The following PCDHGA3 variants were observed in gnomAD, a reference collection of about 807,000 sequenced individuals.
PCDHGA3 encodes protocadherin gamma-A3.
PCDHGA3 carries 40 observed loss-of-function variants against 58.5 expected under a neutral mutation model. The ratio of observed to expected loss-of-function variants is 0.68; its 90% CI spans 0.53 to 0.89. The LOEUF (loss-of-function observed/expected upper bound fraction) is 0.89, where lower values mean the gene tolerates loss of function less well. Among genes scored for constraint, PCDHGA3 ranks in the 40% least tolerant of loss-of-function variants. PCDHGA3 has a pLI of 0.00. For missense variants in PCDHGA3, 1,223 were observed against 1,195.9 expected (o/e 1.02, Z -0.33); for synonymous variants, 530 against 525.7 (o/e 1.01, Z -0.11).
intron 1 of PCDHGA3, among the ~76,000 whole-genome samples, chr5:141,456,266 C>G (rs1273258132): frequency 6.6e-6 from 1 of 152,128 alleles, no homozygotes; most frequent in Non-Finnish European, 1.5e-5. Context: ...TTGCTTCTGG[C>G]TACTTCCTGC....
At chr5:141,446,621 C>T (rs1284919173) in intron 1 of PCDHGA3, among the ~76,000 whole-genome samples, 2 of 152,094 alleles carry the variant, frequency 1.3e-5, no homozygotes, top group Non-Finnish European at 2.9e-5. Flanking sequence ...GGACTACAGG[C>T]GTGCACCACC....
intron 1 of PCDHGA3, chr5:141,393,590 G>A: frequency 1.2e-6 from 2 of 1,613,896 alleles, no homozygotes; most frequent in South Asian, 2.2e-5. Flanking sequence ...CCCCAGGCAC[G>A]CGGCTGCTTA....
At chr5:141,502,093 G>C (rs1037154464) in intron 2 of PCDHGA3, among the ~76,000 whole-genome samples, 27 of 152,112 alleles carry the variant, frequency 1.8e-4, no homozygotes, top group Admixed American at 1.7e-3. Flanking sequence ...AGAACACCTG[G>C]CCTTGACCCT....
Position 141,431,386 on chromosome 5 carries a change from C to A in PCDHGA3, c.2425-63421C>A. The stretch of plus-strand genomic sequence containing the variant: ...ACCGCGAAGAAAAGGCTGCTCACCA[C>A]CTGGTCCTTACGGCCTCCGACGGGG... On this transcript the variant is annotated intron_variant, in intron 1 of 3. Coordinates refer to ENST00000253812, the MANE Select transcript of PCDHGA3 (RefSeq NM_018916.4). The surrounding 1 kb of genome is among the most constrained non-coding windows in gnomAD (Gnocchi z 4.8). The A allele has an allele frequency of 6.2e-7, 1 of 1,613,924 alleles. No individual in the cohort carries two copies. Among genetic ancestry groups the A allele is most frequent in the Non-Finnish European group, 8.5e-7 (1 of 1,180,038 alleles).
In PCDHGA3 at chr5:141,374,145, G is replaced by A. The variant is rs749263007; in HGVS notation, c.2424+27688G>A. 36 of 1,610,792 alleles carry A rather than the reference G, an allele frequency of 2.2e-5. No homozygotes were observed. In the Admixed American group the frequency reaches 2.8e-4, roughly 13 times the overall value. ...CAGGTCCTGCTCCTCACGCTCCTGG[G>A]GACGCTGTGGGGGGCCGCGGCAGCG... On this transcript the variant is annotated intron_variant, in intron 1 of 3. Transcript: ENST00000253812.
At chr5:141,433,096 C>A in intron 1 of PCDHGA3, 3 of 1,614,118 alleles carry the variant, frequency 1.9e-6, no homozygotes, top group Non-Finnish European at 2.5e-6. Context: ...CAGACATGCT[C>A]GTCAGCCAGG....
chr5:141,383,342 C>T, intron 1 of PCDHGA3: 2 of 1,613,958 alleles, frequency 1.2e-6, no homozygotes, highest in Non-Finnish European at 1.7e-6. Flanking sequence ...AATACAGCTC[C>T]TGGGGTTCGG....
At chr5:141,394,610 C>T in intron 1 of PCDHGA3, 1 of 1,613,488 alleles carries the variant, frequency 6.2e-7, no homozygotes, top group African/African-American at 1.3e-5. Flanking sequence ...GAGACTCGGG[C>T]CAGAACGCCT....
chr5:141,404,157 A>G (rs746450194), intron 1 of PCDHGA3: 12 of 1,613,094 alleles, frequency 7.4e-6, no homozygotes, highest in Non-Finnish European at 5.9e-6. Flanking sequence ...GAAGATTATT[A>G]CAGATTGTTG....
intron 1 of PCDHGA3, among the ~76,000 whole-genome samples, chr5:141,455,243 A>G (rs945218710): frequency 1.3e-5 from 2 of 152,146 alleles, no homozygotes; most frequent in Non-Finnish European, 2.9e-5. Flanking sequence ...GTTAAAGGTC[A>G]TAGTACAATC....
intron 1 of PCDHGA3, chr5:141,422,984 G>A (rs752694873): frequency 4.5e-5 from 73 of 1,614,112 alleles, no homozygotes; most frequent in Non-Finnish European, 5.9e-5. Flanking sequence ...GCGGAACCTG[G>A]CTACCTGGTG....
chr5:141,349,242 A>AT (rs11302014), intron 1 of PCDHGA3, among the ~76,000 whole-genome samples: 1 of 151,700 alleles, frequency 6.6e-6, no homozygotes, highest in East Asian at 1.9e-4. Flanking sequence ...GATAATTTTT[A>AT]TTTTTTTTAG....
intron 1 of PCDHGA3, chr5:141,356,903 CTACTGATGGCTCCACTGGTGTGGAG>C: frequency 6.2e-7 from 1 of 1,614,244 alleles, no homozygotes; most frequent in Non-Finnish European, 8.5e-7. Context: ...CCCACCTTCC[CTACTGATGGCTCCACTGGTGTGGAG>C]CTGGCACCCC....
chr5:141,421,288 C>T, intron 1 of PCDHGA3: 1 of 1,613,312 alleles, frequency 6.2e-7, no homozygotes, highest in Non-Finnish European at 8.5e-7. Context: ...GTGCATTTTC[C>T]TGGGGACGCT....
At chr5:141,388,569 C>T (rs368780854) in intron 1 of PCDHGA3, 7 of 1,613,862 alleles carry the variant, frequency 4.3e-6, no homozygotes, top group African/African-American at 1.3e-5. Context: ...TGCACAGATA[C>T]ACGTTCTAGT....
intron 1 of PCDHGA3, chr5:141,371,611 C>A (rs561217101): frequency 8.1e-6 from 13 of 1,613,878 alleles, no homozygotes; most frequent in Non-Finnish European, 1.1e-5. Flanking sequence ...AGGTTGGTGA[C>A]AGATGGAGCC....
chr5:141,365,354 G>A, intron 1 of PCDHGA3: 1 of 1,613,932 alleles, frequency 6.2e-7, no homozygotes, highest in Non-Finnish European at 8.5e-7. Flanking sequence ...GGACGTGAAT[G>A]ACAATGCCCC....
chr5:141,374,154 G>A (rs376984494), intron 1 of PCDHGA3: 19 of 1,611,790 alleles, frequency 1.2e-5, no homozygotes, highest in East Asian at 2.2e-5. Flanking sequence ...GGGACGCTGT[G>A]GGGGGCCGCG....
Position 141,432,731 on chromosome 5 carries a change from G to C in PCDHGA3, c.2425-62076G>C, listed in dbSNP as rs1244820860. On this transcript the variant is annotated intron_variant, in intron 1 of 3. Coordinates refer to ENST00000253812, the MANE Select transcript of PCDHGA3 (RefSeq NM_018916.4). This position sits in a 1 kb window ranked among gnomAD's most constrained non-coding sequence, Gnocchi z 6.0. ...CGGCCAGCCCCCTCTCTCCGCCACT[G>C]TCACGCTCACCGTGGCCGTGGCCGA... The C allele has an allele frequency of 6.2e-7, 1 of 1,614,068 alleles. No homozygotes were observed.
Sources: gnomAD v4.1 joint callset for allele counts (sites outside exome capture counted in the v4.1 genomes callset) on GRCh38, gnomAD v4.1.1 for gene constraint, Gnocchi (gnomAD v3.1) non-coding constraint, MANE v1.5 for transcripts, NCBI Gene and HGNC (gene_info 2026-07-23, HGNC 2026-07-21) for gene names.